Variants in LHX4 observed in about 807,000 individuals in gnomAD.
The protein encoded by LHX4 is LIM/homeobox protein Lhx4.
Under a neutral mutation model 39.2 loss-of-function variants are expected in LHX4, and 16 were observed. That is an observed-to-expected ratio of 0.41 (90% CI 0.28 to 0.62). The LOEUF (loss-of-function observed/expected upper bound fraction) is 0.62, where lower values mean the gene tolerates loss of function less well. Ranked by LOEUF, LHX4 falls within the 20% of genes least tolerant of loss-of-function variation. The pLI is 0.33. For missense variants in LHX4, 439 were observed against 511.9 expected (o/e 0.86, Z 1.37); for synonymous variants, 206 against 198.1 (o/e 1.04, Z -0.33).
rs962877289 is a variant in LHX4, at chr1:180,278,822, AAAAAAAAG to A, written c.*4259_*4266del. The A allele has an allele frequency of 3.3e-5, 5 of 149,662 alleles. No individual in the cohort carries two copies. The highest frequency in any genetic ancestry group is 2.1e-4 in the South Asian group (1 of 4,786). The allele number at this position is 149,662 out of a possible 1,614,324, so 9.3% of individuals were successfully genotyped here. On this transcript the variant is annotated 3_prime_UTR_variant, in exon 6 of 6. Transcript: ENST00000263726. Reference sequence around the variant, plus strand: ...AGAAATGAAGTCTCGTTTCCTGGGGAAAAAAAAGAAAAAAAGAAAAAAAAAAGACCCAC... The same window carrying A: ...AGAAATGAAGTCTCGTTTCCTGGGGAAAAAAAAGAAAAAAAAAAGACCCAC...
chr1:180,252,554 G>A (rs577484415), intron 2 of LHX4, among the ~76,000 whole-genome samples: 4 of 152,284 alleles, frequency 2.6e-5, no homozygotes, highest in African/African-American at 9.6e-5. Context: ...TCCCTGATTA[G>A]CACTGTGGTC....
chr1:180,240,234 A>C (rs1180567261), intron 1 of LHX4, among the ~76,000 whole-genome samples: 6 of 152,186 alleles, frequency 3.9e-5, no homozygotes, highest in Non-Finnish European at 8.8e-5. Flanking sequence ...GGGGCTCACT[A>C]TGTTGCCCAG....
chr1:180,275,002 AGGTAG>A lies in LHX4; in HGVS notation c.*424_*428del, dbSNP rs1438695295. 6.1e-6 allele frequency: 1 copy of A among 164,136 alleles called. No individual in the cohort carries two copies. 10.2% of individuals were successfully genotyped at this position (164,136 alleles called of 1,614,324 possible). On this transcript the variant is annotated 3_prime_UTR_variant, in exon 6 of 6. Transcript: ENST00000263726. ...GCTCTCACCAGAACTGAGACTCCTA[AGGTAG>A]AGGCCTCACAGCCCTTGAGTAAAAT...
intron 2 of LHX4, among the ~76,000 whole-genome samples, chr1:180,258,323 G>A (rs1000329246): frequency 5.9e-5 from 9 of 152,182 alleles, no homozygotes; most frequent in Middle Eastern, 3.2e-3. Context: ...AGCAGTGCCC[G>A]GGCCCCAGGA....
chr1:180,234,169 TTATATA>T lies in LHX4; in HGVS notation c.76+3611_76+3616del, dbSNP rs777438399. On this transcript the variant is annotated intron_variant, in intron 1 of 5. Transcript: ENST00000263726. This position sits in a 1 kb window ranked among gnomAD's most constrained non-coding sequence, Gnocchi z 4.8. The stretch of plus-strand genomic sequence containing the variant: ...AACAGACACACACAACACACACAAA[TTATATA>T]TATATATATATATATATATATATAT... 0.021 allele frequency among the ~76,000 whole-genome samples: 1,105 copies of T among 53,140 alleles called. 14 individuals carry two copies. Among genetic ancestry groups the T allele is most frequent in the Non-Finnish European group, 0.023 (645 of 28,260 alleles). 34.9% of individuals were successfully genotyped at this position (53,140 alleles called of 152,430 possible). A position where few individuals can be genotyped will look rare whatever the true frequency, so the allele number is the denominator to read the frequency against.
chr1:180,254,465 C>T (rs1043253875), intron 2 of LHX4, among the ~76,000 whole-genome samples: 4 of 152,360 alleles, frequency 2.6e-5, no homozygotes, highest in Non-Finnish European at 5.9e-5. Flanking sequence ...CTTGGGAGCC[C>T]GGGAGCTGCT....
intron 5 of LHX4, chr1:180,273,887 A>G (rs1417066540): frequency 4.6e-6 from 2 of 432,092 alleles, no homozygotes; most frequent in Non-Finnish European, 8.6e-6. Context: ...CATCCTCCTC[A>G]GTGTAGCCAG....
chr1:180,248,428 A>G lies in LHX4; in HGVS notation c.220A>G (p.Ser74Gly), dbSNP rs1257235916. The G allele has an allele frequency of 1.9e-6, 3 of 1,614,088 alleles. No individual in the cohort carries two copies. Among genetic ancestry groups the G allele is most frequent in the East Asian group, 4.5e-5 (2 of 44,902 alleles). The part of the protein sequence containing the change: ...LADRCFSRAG[S>G]VYCKEDFFKR... ...GGACAGGTGCTTCTCCAGGGCTGGGAGCGTCTACTGCAAGGAGGACTTCTT... is the reference window on the plus strand; with the variant it reads ...GGACAGGTGCTTCTCCAGGGCTGGGGGCGTCTACTGCAAGGAGGACTTCTT... The change falls in exon 2 of 6, where the codon AGC becomes GGC. Residue 74 changes from serine (S) to glycine (G), a missense_variant. Coordinates refer to ENST00000263726, the MANE Select transcript of LHX4 (RefSeq NM_033343.4).
intron 3 of LHX4, among the ~76,000 whole-genome samples, chr1:180,268,565 C>T (rs1648434649): frequency 6.6e-6 from 1 of 152,202 alleles, no homozygotes. Context: ...CCCTCGGCTT[C>T]TCAGCTGTCT....
rs1648274138 is a variant in LHX4 at position 180,265,441 on chromosome 1, CCT to C, written c.249-948_249-947del. On this transcript the variant is annotated intron_variant, in intron 2 of 5. Transcript: ENST00000263726. ...CTCGTCTCCTATGACCATCGGTGTGCCTCTGTTGATCTCTATGACCAGAATGG... is the reference window on the plus strand; with the variant it reads ...CTCGTCTCCTATGACCATCGGTGTGCCTGTTGATCTCTATGACCAGAATGG... 3.9e-5 allele frequency among the ~76,000 whole-genome samples: 6 copies of C among 152,266 alleles called. No homozygotes were observed. In the South Asian group the frequency reaches 1.2e-3, roughly 32 times the overall value.
intron 2 of LHX4, among the ~76,000 whole-genome samples, chr1:180,257,728 C>T (rs1437135927): frequency 6.6e-6 from 1 of 152,246 alleles, no homozygotes; most frequent in Non-Finnish European, 1.5e-5. Flanking sequence ...GCAATTAAAG[C>T]ATAAAATCAA....
chr1:180,261,586 T>G (rs1194045309), intron 2 of LHX4, among the ~76,000 whole-genome samples: 1 of 152,108 alleles, frequency 6.6e-6, no homozygotes, highest in African/African-American at 2.4e-5. Context: ...TCGAGTGCAG[T>G]GAGCTATGAT....
chr1:180,264,371 CACACATA>C (rs1373802472), intron 2 of LHX4, among the ~76,000 whole-genome samples: 1 of 106,414 alleles, frequency 9.4e-6, no homozygotes, highest in African/African-American at 4.1e-5. Context: ...GTTATACACA[CACACATA>C]ACACACACAC....
intron 1 of LHX4, among the ~76,000 whole-genome samples, chr1:180,245,911 G>A (rs1476083879): frequency 2.0e-5 from 3 of 152,048 alleles, no homozygotes; most frequent in Non-Finnish European, 2.9e-5. Context: ...CCCTGTGGCC[G>A]TCATTGTTCA....
chr1:180,257,216 T>C (rs1314631229), intron 2 of LHX4, among the ~76,000 whole-genome samples: 1 of 152,270 alleles, frequency 6.6e-6, no homozygotes, highest in East Asian at 1.9e-4. Flanking sequence ...TGCTTGTCTC[T>C]GGGCCCCCAT....
chr1:180,270,825 G>T (rs1648601573), intron 3 of LHX4: 1 of 167,620 alleles, frequency 6.0e-6, no homozygotes, highest in African/African-American at 2.4e-5. Context: ...GCCCACGAGT[G>T]GGTTCTGACC....
intron 1 of LHX4, among the ~76,000 whole-genome samples, chr1:180,238,774 TA>T (rs748182741): frequency 1.2e-4 from 18 of 152,188 alleles, no homozygotes; most frequent in Non-Finnish European, 2.2e-4. Flanking sequence ...AGTGAAAATA[TA>T]AAAACGAGAA....
Position 180,266,508 on chromosome 1 carries a change from G to T in LHX4, c.365G>T (p.Arg122Leu). Reference sequence around the variant, plus strand: ...TGCTTTGCTTGCATCATCTGCAACCGGCAGCTGGCCACGGGGGACGAATTC... The same window carrying T: ...TGCTTTGCTTGCATCATCTGCAACCTGCAGCTGGCCACGGGGGACGAATTC... ...LHCFACIICN[R>L]QLATGDEFYL... Residue 122 changes from arginine (R) to leucine (L), a missense_variant, in exon 3 of 6, where the codon CGG becomes CTG. Arg to Leu is a moderately radical substitution (Grantham distance 102, BLOSUM62 -2). Transcript: ENST00000263726. The surrounding 1 kb of genome is among the most constrained non-coding windows in gnomAD (Gnocchi z 5.7). 1 of 1,614,182 alleles carries T rather than the reference G, an allele frequency of 6.2e-7. No homozygotes were observed. The highest frequency in any genetic ancestry group is 8.5e-7 in the Non-Finnish European group (1 of 1,180,030).
intron 1 of LHX4, among the ~76,000 whole-genome samples, chr1:180,240,545 G>A (rs1177013951): frequency 2.0e-5 from 3 of 152,006 alleles, no homozygotes; most frequent in East Asian, 1.9e-4. Context: ...CTTCCGTGAC[G>A]AAAGGGATAG....
Sources: allele counts gnomAD v4.1 joint callset (sites outside exome capture counted in the v4.1 genomes callset), GRCh38; gene constraint gnomAD v4.1.1; non-coding constraint Gnocchi (gnomAD v3.1); transcripts MANE v1.5; gene names NCBI Gene and HGNC (gene_info 2026-07-23, HGNC 2026-07-21).